The following DAB1 variants were observed in gnomAD, a reference collection of about 807,000 sequenced individuals.
DAB1 encodes DAB adaptor protein 1.
Under a neutral mutation model 64.6 loss-of-function variants are expected in DAB1, and 15 were observed. The ratio of observed to expected loss-of-function variants is 0.23; its 90% CI spans 0.16 to 0.36. DAB1 has a LOEUF of 0.36. Among genes scored for constraint, DAB1 ranks in the 10% least tolerant of loss-of-function variants. The pLI is 1.00. For missense variants in DAB1, 596 were observed against 706.7 expected, an observed-to-expected ratio of 0.84 and a Z score of 1.78; for synonymous variants, 235 against 251.9, an observed-to-expected ratio of 0.93 and a Z score of 0.64.
intron 1 of DAB1, among the ~76,000 whole-genome samples, chr1:57,296,545 C>A (rs1370304907): frequency 6.6e-6 from 1 of 151,394 alleles, no homozygotes; most frequent in African/African-American, 2.4e-5. Flanking sequence ...ATTAAGTGCT[C>A]AAAACAAACA....
In DAB1 at chr1:57,148,647, G is replaced by A. The variant is rs578054716; in HGVS notation, c.68-3218C>T. Among the ~76,000 whole-genome samples, 32 of 152,268 alleles carry A rather than the reference G, an allele frequency of 2.1e-4. No homozygotes were observed. The South Asian group carries it at 5.8e-3, about 28-fold the overall frequency. On this transcript the variant is annotated intron_variant, in intron 2 of 14. Coordinates refer to ENST00000371236, the MANE Select transcript of DAB1 (RefSeq NM_001365792.1). The stretch of plus-strand genomic sequence containing the variant: ...AAGATGGGCAAGAGAAAGACCACAC[G>A]TTTAAGGAAAATCACCCATATGGTC...
Position 57,180,498 on chromosome 1 carries a change from A to G in DAB1, c.68-35069T>C, listed in dbSNP as rs996830398. ...CTAAAAAAGCAGAGCTCTGATGGAG[A>G]GGTTTCAAGACTTGCGGATGGGGGG... On this transcript the variant is annotated intron_variant, in intron 2 of 14. Coordinates refer to ENST00000371236, the MANE Select transcript of DAB1 (RefSeq NM_001365792.1). Among the ~76,000 whole-genome samples the G allele has an allele frequency of 1.7e-4, 26 of 152,202 alleles. 2 individuals are homozygous for G. Among genetic ancestry groups the G allele is most frequent in the Admixed American group, 1.4e-3 (21 of 15,282 alleles).
intron 7 of DAB1, among the ~76,000 whole-genome samples, chr1:57,515,205 A>T (rs1472678397): frequency 6.6e-6 from 1 of 152,270 alleles, no homozygotes; most frequent in East Asian, 1.9e-4. Context: ...TCCTGGGTTA[A>T]AAATCAAGCC....
intron 5 of DAB1, among the ~76,000 whole-genome samples, chr1:58,071,365 T>G (rs1322965878): frequency 4.0e-5 from 2 of 49,818 alleles, no homozygotes; most frequent in Admixed American, 2.0e-4. Context: ...AGGAGAATGG[T>G]GTGTGTGTGT....
intron 1 of DAB1, among the ~76,000 whole-genome samples, chr1:57,838,771 C>CT (rs5774374): frequency 0.032 from 4,562 of 141,316 alleles, 240 homozygotes; most frequent in African/African-American, 0.11. Flanking sequence ...TTCTTTCTTC[C>CT]TTTTTTTTTT....
chr1:58,191,363 A>G (rs1657378508), intron 4 of DAB1, among the ~76,000 whole-genome samples: 1 of 152,206 alleles, frequency 6.6e-6, no homozygotes, highest in African/African-American at 2.4e-5. Context: ...TCTAGTTGCA[A>G]ACTTTTTAAA....
chr1:57,747,786 G>A (rs1268527218), intron 6 of DAB1, among the ~76,000 whole-genome samples: 1 of 133,748 alleles, frequency 7.5e-6, no homozygotes, highest in East Asian at 2.3e-4. Context: ...TCCAGCCTGG[G>A]CGACAGAGGA....
chr1:57,889,291 G>A (rs539561351), intron 5 of DAB1, among the ~76,000 whole-genome samples: 5 of 152,298 alleles, frequency 3.3e-5, no homozygotes, highest in East Asian at 3.9e-4. Context: ...TTGAGCTGTC[G>A]CTTATCAGTA....
intron 6 of DAB1, among the ~76,000 whole-genome samples, chr1:57,677,339 C>T (rs1368512613): frequency 6.6e-6 from 1 of 152,176 alleles, no homozygotes; most frequent in Non-Finnish European, 1.5e-5. Context: ...TACATTAAGT[C>T]CTTCAGTGAC....
At chr1:57,200,805 G>C (rs1347571157) in intron 2 of DAB1, among the ~76,000 whole-genome samples, 1 of 152,154 alleles carries the variant, frequency 6.6e-6, no homozygotes, top group African/African-American at 2.4e-5. Context: ...TGTTAATAAA[G>C]TACTTTCCAA....
rs183287730 is a variant in DAB1 at position 58,220,795 on chromosome 1, G to A, written n.310-70207C>T. ...ATAAGAAGCAGTGCAGCAAGTGCTCGCAGAAGGTAAGTCCTCTTTGGTAAG... is the reference window on the plus strand; with the variant it reads ...ATAAGAAGCAGTGCAGCAAGTGCTCACAGAAGGTAAGTCCTCTTTGGTAAG... On this transcript the variant is annotated intron_variant and non_coding_transcript_variant, in intron 4 of 20. Coordinates refer to the DAB1 transcript ENST00000485760. Among the ~76,000 whole-genome samples, 31 of 151,950 alleles carry A rather than the reference G, an allele frequency of 2.0e-4. 1 individual carries two copies. Among genetic ancestry groups the A allele is most frequent in the South Asian group, 1.0e-3 (5 of 4,804 alleles).
intron 2 of DAB1, among the ~76,000 whole-genome samples, chr1:57,198,647 TCTCA>T (rs1179307825): frequency 2.8e-4 from 32 of 112,960 alleles, no homozygotes; most frequent in African/African-American, 8.6e-4. Flanking sequence ...ATCTTCTCTC[TCTCA>T]CACACACACA....
chr1:57,907,585 G>T (rs991948812), intron 5 of DAB1, among the ~76,000 whole-genome samples: 1 of 152,142 alleles, frequency 6.6e-6, no homozygotes, highest in Admixed American at 6.5e-5. Flanking sequence ...TGAGATAGAT[G>T]CTCTTTCTCG....
Position 57,551,161 on chromosome 1 carries a change from C to T in DAB1, n.625+98431G>A, listed in dbSNP as rs1644909987. ...TTGACAATAGCACGTTCGTCTTGCA[C>T]GCCACTAACATTATCTCCCACGGGC... is the stretch of plus-strand genomic sequence containing the variant. On this transcript the variant is annotated intron_variant and non_coding_transcript_variant, in intron 7 of 20. Coordinates refer to the DAB1 transcript ENST00000485760. Among the ~76,000 whole-genome samples the T allele has an allele frequency of 1.3e-5, 2 of 152,178 alleles. 1 individual carries two copies. Among genetic ancestry groups the T allele is most frequent in the Non-Finnish European group, 2.9e-5 (2 of 68,030 alleles).
At chr1:57,502,086 C>T (rs1413966928) in intron 7 of DAB1, among the ~76,000 whole-genome samples, 1 of 151,870 alleles carries the variant, frequency 6.6e-6, no homozygotes, top group Non-Finnish European at 1.5e-5. Context: ...TTTGGGAGGC[C>T]GAGGCCAGTG....
chr1:58,317,894 C>G (rs894554043), intron 4 of DAB1, among the ~76,000 whole-genome samples: 2 of 152,182 alleles, frequency 1.3e-5, no homozygotes, highest in African/African-American at 4.8e-5. Context: ...ACATGTTTCC[C>G]CATCTGTATA....
Position 57,266,401 on chromosome 1 carries a change from C to A in DAB1, c.67+24563G>T, listed in dbSNP as rs12562609. ...TCCAAAACACTATGATTCCTTGCAT[C>A]TCAATACATGGAGTGTCTCAGATGA... is the stretch of plus-strand genomic sequence containing the variant. On this transcript the variant is annotated intron_variant, in intron 2 of 14. Transcript: ENST00000371236. Among the ~76,000 whole-genome samples, 1,141 of 152,294 alleles carry A rather than the reference C, an allele frequency of 7.5e-3. 29 individuals carry two copies. In the East Asian group the frequency reaches 0.079, roughly 11 times the overall value.
chr1:57,886,387 G>A (rs1644223113), upstream of DAB1, among the ~76,000 whole-genome samples: 1 of 152,092 alleles, frequency 6.6e-6, no homozygotes, highest in African/African-American at 2.4e-5. Flanking sequence ...TCGAACTCCT[G>A]ACCTTGTGAT....
chr1:58,152,099 TC>T (rs1266336245), intron 4 of DAB1, among the ~76,000 whole-genome samples: 1 of 152,142 alleles, frequency 6.6e-6, no homozygotes, highest in East Asian at 1.9e-4. Flanking sequence ...ATCAGATACA[TC>T]AGGCAAATAT....
Sources: allele counts gnomAD v4.1 joint callset (sites outside exome capture counted in the v4.1 genomes callset), GRCh38; gene constraint gnomAD v4.1.1; transcripts MANE v1.5; gene names NCBI Gene and HGNC (gene_info 2026-07-23, HGNC 2026-07-21).